FNDC3A: variants seen among roughly 807,000 people sequenced by gnomAD.
FNDC3A encodes fibronectin type III domain containing 3A, also known as fibronectin type-III domain-containing protein 3A.
In FNDC3A, 32 loss-of-function variants were observed where a neutral mutation model predicts 148.9. The ratio of observed to expected loss-of-function variants is 0.21; its 90% CI spans 0.16 to 0.29. The LOEUF (loss-of-function observed/expected upper bound fraction) is 0.29, where lower values mean the gene tolerates loss of function less well. FNDC3A is among the 10% of genes least tolerant of loss of function. The pLI is 1.00. For synonymous variants in FNDC3A, 472 were observed against 473.6 expected (o/e 1.00, Z 0.04); for missense variants, 1,191 against 1,452.8 (o/e 0.82, Z 2.93).
intron 3 of FNDC3A, among the ~76,000 whole-genome samples, chr13:49,105,738 TTA>T (rs1880134369): frequency 6.6e-6 from 1 of 152,368 alleles, no homozygotes; most frequent in African/African-American, 2.4e-5. Flanking sequence ...TCGGTTGGTG[TTA>T]TATGTAAGCA....
chr13:49,110,433 T>A (rs1406402973), intron 3 of FNDC3A: 1 of 1,443,890 alleles, frequency 6.9e-7, no homozygotes, highest in South Asian at 1.1e-5. Context: ...TCGAACATTC[T>A]GCTTTTATTT....
chr13:49,191,699 G>A (rs964177022), intron 19 of FNDC3A, among the ~76,000 whole-genome samples: 2 of 152,104 alleles, frequency 1.3e-5, no homozygotes, highest in Non-Finnish European at 2.9e-5. Context: ...AAAATCATAA[G>A]TACTGAAGTT....
intron 1 of FNDC3A, among the ~76,000 whole-genome samples, chr13:48,978,394 T>A (rs1473513274): frequency 6.6e-6 from 1 of 152,204 alleles, no homozygotes; most frequent in Non-Finnish European, 1.5e-5. Context: ...CAATTTTTAG[T>A]AATATTTGCG....
intron 3 of FNDC3A, among the ~76,000 whole-genome samples, chr13:49,109,312 A>G (rs1381816850): frequency 6.6e-6 from 1 of 152,338 alleles, no homozygotes; most frequent in South Asian, 2.1e-4. Flanking sequence ...CAACAATGCT[A>G]TGATGTTGAT....
At chr13:49,091,243 AAGAAAC>A (rs1879171935) in intron 3 of FNDC3A, among the ~76,000 whole-genome samples, 1 of 152,154 alleles carries the variant, frequency 6.6e-6, no homozygotes, top group Non-Finnish European at 1.5e-5. Flanking sequence ...AAGGCATACA[AAGAAAC>A]AGAAAAGTAT....
chr13:49,184,787 C>CT (rs1639941922), intron 14 of FNDC3A, among the ~76,000 whole-genome samples: 1 of 152,178 alleles, frequency 6.6e-6, no homozygotes, highest in Admixed American at 6.5e-5. Flanking sequence ...CGACCTCCCC[C>CT]TGTGCGGTCC....
intron 2 of FNDC3A, among the ~76,000 whole-genome samples, chr13:49,008,630 C>G (rs1041441602): frequency 2.6e-5 from 4 of 152,202 alleles, no homozygotes; most frequent in Non-Finnish European, 5.9e-5. Flanking sequence ...TTAATATTTT[C>G]TGGTTTAGTA....
At chr13:49,150,135 T>C (rs1883204890) in intron 8 of FNDC3A, among the ~76,000 whole-genome samples, 1 of 152,126 alleles carries the variant, frequency 6.6e-6, no homozygotes, top group Non-Finnish European at 1.5e-5. Flanking sequence ...GATGGCATCT[T>C]GCGATGTTGC....
rs1881506706 is a variant in FNDC3A, at chr13:49,123,643, C to CT, written c.253-7494_253-7493insT. Among the ~76,000 whole-genome samples, 6 of 149,918 alleles carry CT rather than the reference C, an allele frequency of 4.0e-5. No individual in the cohort carries two copies. In the South Asian group the frequency reaches 1.3e-3, roughly 32 times the overall value. On this transcript the variant is annotated intron_variant, in intron 4 of 25. Transcript: ENST00000492622. ...ATCCAGAATATACAAAGAACTTAAACAAATTTACAAAAAAAAAAACCAACC... is the reference window on the plus strand; with the variant it reads ...ATCCAGAATATACAAAGAACTTAAACTAAATTTACAAAAAAAAAAACCAACC...
intron 3 of FNDC3A, among the ~76,000 whole-genome samples, chr13:49,087,404 A>G (rs1878885438): frequency 6.6e-6 from 1 of 152,156 alleles, no homozygotes; most frequent in Admixed American, 6.5e-5. Context: ...CTGGCCTCAC[A>G]AAATGCTATT....
intron 4 of FNDC3A, among the ~76,000 whole-genome samples, chr13:49,123,685 G>A (rs569401345): frequency 7.8e-4 from 118 of 151,136 alleles, no homozygotes; most frequent in African/African-American, 2.1e-3. Context: ...AAAAGTGGGC[G>A]AAGGATCTGA....
At chr13:49,017,747 T>G (rs1022366549) in intron 2 of FNDC3A, among the ~76,000 whole-genome samples, 16 of 152,142 alleles carry the variant, frequency 1.1e-4, no homozygotes, top group Non-Finnish European at 5.9e-5. Context: ...TCCTGGTTGT[T>G]CCTTTCCATG....
chr13:49,098,172 T>C (rs1566248239), intron 3 of FNDC3A, among the ~76,000 whole-genome samples: 1 of 152,090 alleles, frequency 6.6e-6, no homozygotes, highest in Admixed American at 6.6e-5. Context: ...TAAAAAAGTT[T>C]AGATATTATG....
At chr13:49,051,021 T>C (rs1875802082) in intron 2 of FNDC3A, among the ~76,000 whole-genome samples, 1 of 152,206 alleles carries the variant, frequency 6.6e-6, no homozygotes, top group African/African-American at 2.4e-5. Flanking sequence ...CCCCTTTACC[T>C]TAAGTTTATG....
chr13:49,128,413 G>T (rs1027584355), intron 4 of FNDC3A, among the ~76,000 whole-genome samples: 3 of 152,114 alleles, frequency 2.0e-5, no homozygotes, highest in African/African-American at 7.2e-5. Context: ...AACATTTGAG[G>T]TGGGGTGATG....
At chr13:48,998,730 A>G (rs1180940524) in intron 1 of FNDC3A, among the ~76,000 whole-genome samples, 21 of 152,222 alleles carry the variant, frequency 1.4e-4, no homozygotes, top group Admixed American at 1.4e-3. Flanking sequence ...CAGCATGTCC[A>G]TATTACAGAA....
chr13:49,038,286 C>T (rs1319587188), intron 2 of FNDC3A, among the ~76,000 whole-genome samples: 1 of 152,188 alleles, frequency 6.6e-6, no homozygotes, highest in African/African-American at 2.4e-5. Flanking sequence ...CTTAGGGCCA[C>T]AGGTATCCAG....
At chr13:49,157,229 C>CT (rs1173016605) in intron 8 of FNDC3A, among the ~76,000 whole-genome samples, 15 of 126,108 alleles carry the variant, frequency 1.2e-4, no homozygotes, top group African/African-American at 4.6e-4. Flanking sequence ...TCTTTTTATT[C>CT]TTTTTTCTCT....
At chr13:48,989,522 T>C (rs549529328) in intron 1 of FNDC3A, among the ~76,000 whole-genome samples, 9 of 152,320 alleles carry the variant, frequency 5.9e-5, no homozygotes, top group Non-Finnish European at 8.8e-5. Context: ...TAATGGCATG[T>C]TAGACTTTGT....
Sources: allele counts gnomAD v4.1 joint callset (sites outside exome capture counted in the v4.1 genomes callset), GRCh38; gene constraint gnomAD v4.1.1; transcripts MANE v1.5; gene names NCBI Gene and HGNC (gene_info 2026-07-23, HGNC 2026-07-21).